Variants in KLHL24 observed in about 807,000 individuals in gnomAD.
KLHL24 encodes the protein kelch like family member 24.
Under a neutral mutation model 53.4 loss-of-function variants are expected in KLHL24, and 29 were observed. The observed-to-expected ratio is 0.54, with a 90% CI of 0.40 to 0.74. The LOEUF is 0.74. Among genes scored for constraint, KLHL24 ranks in the 30% least tolerant of loss-of-function variants. The probability of loss-of-function intolerance (pLI) is 0.00; values close to 1 mark genes in which losing one functional copy is unlikely to be tolerated. For missense variants in KLHL24, 504 were observed against 744.0 expected (o/e 0.68, Z 3.75); for synonymous variants, 222 against 253.7 (o/e 0.88, Z 1.19).
chr3:183,673,136 CA>C (rs1410156565), intron 7 of KLHL24: 1 of 151,946 alleles, frequency 6.6e-6, no homozygotes, highest in African/African-American at 2.4e-5. Flanking sequence ...ATCTGGGAGG[CA>C]GAGGTTGCAG....
rs1417209502 is a variant in KLHL24, at chr3:183,663,343, C to G, written c.921-115C>G. On this transcript the variant is annotated intron_variant, in intron 3 of 7. Coordinates refer to ENST00000242810, the MANE Select transcript of KLHL24 (RefSeq NM_017644.3). This position sits in a 1 kb window ranked among gnomAD's most constrained non-coding sequence, Gnocchi z 4.9. ...GTTTGGCACATGCACAGAGAAGAAA[C>G]TTAACTGTTTATAATAGTGCGTGGT... is the stretch of plus-strand genomic sequence containing the variant. 6.3e-6 allele frequency: 3 copies of G among 479,942 alleles called. No individual in the cohort carries two copies. The highest frequency in any genetic ancestry group is 1.0e-5 in the Non-Finnish European group (3 of 293,308). The allele number at this position is 479,942 out of a possible 1,614,324, so 29.7% of individuals were successfully genotyped here.
chr3:183,675,203 G>A (rs527455991), intron 7 of KLHL24, among the ~76,000 whole-genome samples: 8 of 152,230 alleles, frequency 5.3e-5, no homozygotes, highest in African/African-American at 1.9e-4. Flanking sequence ...TTAATTTTAA[G>A]ATAATCTTAT....
At chr3:183,654,507 A>C (rs975560118) in intron 3 of KLHL24, among the ~76,000 whole-genome samples, 4 of 151,182 alleles carry the variant, frequency 2.6e-5, no homozygotes, top group African/African-American at 9.8e-5. Context: ...TTTCTTTTTA[A>C]ATTTTTATAT....
At chr3:183,645,241 T>G (rs1717054565) in intron 2 of KLHL24, among the ~76,000 whole-genome samples, 1 of 152,242 alleles carries the variant, frequency 6.6e-6, no homozygotes, top group African/African-American at 2.4e-5. Flanking sequence ...TTACATACAT[T>G]GAACTTTTTG....
intron 1 of KLHL24, chr3:183,636,314 G>C (rs1218507436): frequency 6.6e-6 from 1 of 152,352 alleles, no homozygotes; most frequent in Admixed American, 6.5e-5. Context: ...GGGTCAAGGT[G>C]GGGTCCCCAG....
At chr3:183,666,790 T>G (rs1042456181) in intron 5 of KLHL24, among the ~76,000 whole-genome samples, 4 of 152,160 alleles carry the variant, frequency 2.6e-5, no homozygotes, top group African/African-American at 9.7e-5. Flanking sequence ...ATACAAAAAT[T>G]TATTACATAA....
At chr3:183,640,600 C>CTTTTTTTCT (rs1385918724) in intron 1 of KLHL24, among the ~76,000 whole-genome samples, 69 of 61,656 alleles carry the variant, frequency 1.1e-3, no homozygotes, top group African/African-American at 6.0e-3. Context: ...TTTCTTTTTT[C>CTTTTTTTCT]TTTTTTTTTT....
intron 3 of KLHL24, among the ~76,000 whole-genome samples, chr3:183,657,022 A>T (rs1719008378): frequency 6.6e-6 from 1 of 152,032 alleles, no homozygotes; most frequent in Admixed American, 6.6e-5. Flanking sequence ...CATATTTCCC[A>T]TACCAGCCTA....
At chr3:183,669,365 A>T (rs1421053760) in intron 5 of KLHL24, among the ~76,000 whole-genome samples, 1 of 152,122 alleles carries the variant, frequency 6.6e-6, no homozygotes, top group Non-Finnish European at 1.5e-5. Context: ...AAAAAAAATT[A>T]TAAAATTGAG....
rs1576906516 is a variant in KLHL24 at position 183,650,330 on chromosome 3, A to G, written c.-27A>G. The G allele has an allele frequency of 6.4e-7, 1 of 1,559,688 alleles. No individual in the cohort carries two copies. Reference sequence around the variant, plus strand: ...GAAGATCCCTAATAGTCATTTCTCAACAATTATATAGTCAACTGATGTAAC... The same window carrying G: ...GAAGATCCCTAATAGTCATTTCTCAGCAATTATATAGTCAACTGATGTAAC... On this transcript the variant is annotated 5_prime_UTR_variant, in exon 3 of 8. Coordinates refer to ENST00000242810, the MANE Select transcript of KLHL24 (RefSeq NM_017644.3). The surrounding 1 kb of genome is among the most constrained non-coding windows in gnomAD (Gnocchi z 4.5).
chr3:183,645,072 A>G (rs1171314249), intron 2 of KLHL24, among the ~76,000 whole-genome samples: 1 of 152,236 alleles, frequency 6.6e-6, no homozygotes, highest in Non-Finnish European at 1.5e-5. Flanking sequence ...TGGAATGAAT[A>G]GTAGGTTCTT....
chr3:183,647,271 C>T (rs1717418435), intron 2 of KLHL24, among the ~76,000 whole-genome samples: 1 of 151,588 alleles, frequency 6.6e-6, no homozygotes, highest in Admixed American at 6.6e-5. Flanking sequence ...TAAAAGTTAG[C>T]TGGGTGTGGT....
intron 5 of KLHL24, among the ~76,000 whole-genome samples, chr3:183,668,537 G>A (rs1720889498): frequency 6.6e-6 from 1 of 152,170 alleles, no homozygotes; most frequent in Admixed American, 6.5e-5. Context: ...ACCTGGGATG[G>A]TTTAGAATAT....
In KLHL24 at chr3:183,684,106, A is replaced by G. The variant is rs1222843115; in HGVS notation, c.*4820A>G. 2.0e-5 allele frequency: 3 copies of G among 151,642 alleles called. No individual in the cohort carries two copies. The highest frequency in any genetic ancestry group is 4.4e-5 in the Non-Finnish European group (3 of 67,974). The allele number at this position is 151,642 out of a possible 1,614,324, so 9.4% of individuals were successfully genotyped here. ...GTATACTTATTTTTGTTCCATACTT[A>G]TGTACAATTTTTTCCCTCTTCAGGC... On this transcript the variant is annotated 3_prime_UTR_variant, in exon 8 of 8. Coordinates refer to ENST00000242810, the MANE Select transcript of KLHL24 (RefSeq NM_017644.3).
At chr3:183,645,872 C>T (rs990426569) in intron 2 of KLHL24, among the ~76,000 whole-genome samples, 7 of 152,044 alleles carry the variant, frequency 4.6e-5, no homozygotes, top group African/African-American at 9.7e-5. Context: ...ACATTTACTC[C>T]GAAACCAGCC....
intron 7 of KLHL24, 119 bp from the exon 8 acceptor site, chr3:183,678,967 A>T (rs1209913683): frequency 1.3e-6 from 1 of 758,966 alleles, no homozygotes; most frequent in African/African-American, 1.8e-5. Flanking sequence ...AAAGGACCTT[A>T]GCTTTTATCA....
At chr3:183,656,922 A>C (rs200980448) in intron 3 of KLHL24, among the ~76,000 whole-genome samples, 5 of 58,904 alleles carry the variant, frequency 8.5e-5, no homozygotes, top group South Asian at 3.4e-4. Flanking sequence ...AAAAAAAGAC[A>C]AAAAAAAAAT....
intron 7 of KLHL24, among the ~76,000 whole-genome samples, chr3:183,678,289 A>G (rs576931976): frequency 6.6e-6 from 1 of 152,202 alleles, no homozygotes; most frequent in South Asian, 2.1e-4. Context: ...TTAGTTATAA[A>G]TTTTTTCCTC....
chr3:183,675,405 C>G (rs996545162), intron 7 of KLHL24, among the ~76,000 whole-genome samples: 1 of 152,124 alleles, frequency 6.6e-6, no homozygotes, highest in Non-Finnish European at 1.5e-5. Flanking sequence ...ATGAGTATTA[C>G]GTTTTCTCCC....
Sources: allele counts gnomAD v4.1 joint callset (sites outside exome capture counted in the v4.1 genomes callset), GRCh38; gene constraint gnomAD v4.1.1; non-coding constraint Gnocchi (gnomAD v3.1); transcripts MANE v1.5; gene names NCBI Gene and HGNC (gene_info 2026-07-23, HGNC 2026-07-21).